Variants in PTGS1 observed in about 807,000 individuals in gnomAD.
The protein encoded by PTGS1 is prostaglandin G/H synthase 1.
Under a neutral mutation model 63.0 loss-of-function variants are expected in PTGS1, and 40 were observed. That is an observed-to-expected ratio of 0.63 (90% CI 0.49 to 0.83). PTGS1 has a LOEUF of 0.83. Among genes scored for constraint, PTGS1 ranks in the 40% least tolerant of loss-of-function variants. The pLI, the probability that PTGS1 is intolerant of heterozygous loss-of-function variation, is 0.00. For missense variants in PTGS1, 709 were observed against 786.5 expected (o/e 0.90, Z 1.18); for synonymous variants, 298 against 301.9 (o/e 0.99, Z 0.13).
In PTGS1 at chr9:122,381,862, G is replaced by A. The variant is rs969803419; in HGVS notation, c.762+115G>A. ...TCCTGAGAGGGCCAACCACGGGAGTGGGAAGCTTGTGCCAGGAGCGACAGT... is the reference window on the plus strand; with the variant it reads ...TCCTGAGAGGGCCAACCACGGGAGTAGGAAGCTTGTGCCAGGAGCGACAGT... On this transcript the variant is annotated intron_variant, in intron 7 of 10. Transcript: ENST00000362012. The A allele has an allele frequency of 6.2e-6, 7 of 1,122,710 alleles. No homozygotes were observed. The African/African-American group carries it at 1.1e-4, about 17-fold the overall frequency. The allele number at this position is 1,122,710 out of a possible 1,614,324, so 69.5% of individuals were successfully genotyped here.
In PTGS1 at chr9:122,378,803, C is replaced by T. The variant is rs112033264; in HGVS notation, c.381C>T (p.Pro127=). 11 of 1,614,126 alleles carry T rather than the reference C, an allele frequency of 6.8e-6. No homozygotes were observed. Among genetic ancestry groups the T allele is most frequent in the Non-Finnish European group, 8.5e-6 (10 of 1,180,046 alleles). ...GCTCCAACCTTATCCCCAGTCCCCC[C>T]ACCTACAACTCAGCACATGACTACA... The part of the protein sequence containing the change: ...TVRSNLIPSP[P]TYNSAHDYIS... Residue 127 remains proline, a synonymous_variant, in exon 5 of 11, where the codon CCC becomes CCT. Coordinates refer to ENST00000362012, the MANE Select transcript of PTGS1 (RefSeq NM_000962.4).
intron 3 of PTGS1, 127 bp from the exon 4 acceptor site, chr9:122,378,306 T>C (rs1837300945): frequency 6.7e-6 from 9 of 1,336,774 alleles, no homozygotes; most frequent in Middle Eastern, 3.7e-4. Context: ...GTTCCATCCT[T>C]ACCCACTTCC....
chr9:122,377,479 C>T (rs904440248), intron 2 of PTGS1, among the ~76,000 whole-genome samples: 1 of 151,438 alleles, frequency 6.6e-6, no homozygotes, highest in African/African-American at 2.4e-5. Flanking sequence ...CCCCCCCACC[C>T]CCCGCCCCGG....
At chr9:122,374,572 G>C in intron 2 of PTGS1, among the ~76,000 whole-genome samples, 1 of 152,122 alleles carries the variant, frequency 6.6e-6, no homozygotes, top group South Asian at 2.1e-4. Context: ...GATGAACAGG[G>C]GTGTCCTCCA....
At chr9:122,392,115 G>T in intron 10 of PTGS1, 74 bp from the exon 11 acceptor site, 1 of 1,352,228 alleles carries the variant, frequency 7.4e-7, no homozygotes. Flanking sequence ...GGTGGACCTG[G>T]AAGGGTCCCG....
Position 122,392,278 on chromosome 9 carries a change from C to T in PTGS1, c.1534C>T (p.His512Tyr). ...FYPGLLLEKC[H>Y]PNSIFGESMI... ...CCCTGGACTGCTTCTTGAAAAGTGC[C>T]ATCCAAACTCTATCTTTGGGGAGAG... is the stretch of plus-strand genomic sequence containing the variant. Residue 512 changes from histidine to tyrosine, a missense_variant, in exon 11 of 11, where the codon CAT (histidine) becomes TAT (tyrosine). Transcript: ENST00000362012. 1 of 1,613,718 alleles carries T rather than the reference C, an allele frequency of 6.2e-7. No individual in the cohort carries two copies. The highest frequency in any genetic ancestry group is 8.5e-7 in the Non-Finnish European group (1 of 1,179,684).
At chr9:122,377,830 C>A in intron 2 of PTGS1, 69 bp from the exon 3 acceptor site, 1 of 1,345,588 alleles carries the variant, frequency 7.4e-7, no homozygotes, top group Non-Finnish European at 1.1e-6. Flanking sequence ...CTCATTCCCC[C>A]ATCAGGGGCT....
At chr9:122,372,666 C>T (rs1021947221) in intron 2 of PTGS1, 2 of 152,246 alleles carry the variant, frequency 1.3e-5, no homozygotes, top group African/African-American at 4.8e-5. Context: ...TCCTCTGAGG[C>T]CCCATCTGGC....
chr9:122,375,129 C>T (rs1837042632), intron 2 of PTGS1, among the ~76,000 whole-genome samples: 1 of 151,554 alleles, frequency 6.6e-6, no homozygotes, highest in Non-Finnish European at 1.5e-5. Flanking sequence ...GGGGCACCAG[C>T]GGCAGGCCCA....
At position 122,371,177 on chromosome 9, in the gene PTGS1, C is replaced by T. The variant is rs1254574480; in HGVS notation, c.8-9C>T. 1 of 1,608,958 alleles carries T rather than the reference C, an allele frequency of 6.2e-7. No homozygotes were observed. Among genetic ancestry groups the T allele is most frequent in the Non-Finnish European group, 8.5e-7 (1 of 1,179,944 alleles). ...GCCAGGCTCAGCCCCTCATCTCTCTCCTCTGCAGGGAGTCTCTTGCTCTGG... is the reference window on the plus strand; with the variant it reads ...GCCAGGCTCAGCCCCTCATCTCTCTTCTCTGCAGGGAGTCTCTTGCTCTGG... On this transcript the variant is annotated splice_polypyrimidine_tract_variant and intron_variant, in intron 1 of 10. Transcript: ENST00000362012.
intron 5 of PTGS1, among the ~76,000 whole-genome samples, chr9:122,379,756 G>A (rs941796812): frequency 4.2e-4 from 64 of 152,190 alleles, no homozygotes; most frequent in African/African-American, 1.4e-3. Flanking sequence ...AATTACGGTT[G>A]ACAGATCACT....
rs202049266 is a variant in PTGS1, at chr9:122,381,761, A to G, written c.762+14A>G. The stretch of plus-strand genomic sequence containing the variant: ...CTCAAGTACCAGGTAGTGCTGGGCC[A>G]GGGGGTAGGGCAGAGGGAGGGGTCT... On this transcript the variant is annotated intron_variant, in intron 7 of 10. Transcript: ENST00000362012. 3 of 1,184,432 alleles carry G rather than the reference A, an allele frequency of 2.5e-6. No individual in the cohort carries two copies. Among genetic ancestry groups the G allele is most frequent in the African/African-American group, 8.0e-5 (1 of 12,450 alleles). The allele number at this position is 1,184,432 out of a possible 1,614,324, so 73.4% of individuals were successfully genotyped here. A position where few individuals can be genotyped will look rare whatever the true frequency, so the allele number is the denominator to read the frequency against.
At chr9:122,387,292 A>G (rs558950546) in intron 9 of PTGS1, among the ~76,000 whole-genome samples, 3 of 152,066 alleles carry the variant, frequency 2.0e-5, no homozygotes, top group Admixed American at 6.6e-5. Context: ...AAGGCATGGA[A>G]GTCAGAGGAC....
intron 10 of PTGS1, 101 bp from the exon 11 acceptor site, chr9:122,392,088 T>C: frequency 9.8e-7 from 1 of 1,015,528 alleles, no homozygotes; most frequent in Non-Finnish European, 1.4e-6. Flanking sequence ...CTGGAGTCCC[T>C]ATTATCCCCA....
chr9:122,372,222 C>A lies in PTGS1; in HGVS notation c.94+950C>A, dbSNP rs142004322. Among the ~76,000 whole-genome samples, 140 of 152,234 alleles carry A rather than the reference C, an allele frequency of 9.2e-4. 1 individual carries two copies. Among genetic ancestry groups the A allele is most frequent in the Middle Eastern group, 3.4e-3 (1 of 294 alleles). On this transcript the variant is annotated intron_variant, in intron 2 of 10. Coordinates refer to ENST00000362012, the MANE Select transcript of PTGS1 (RefSeq NM_000962.4). ...GAGCAGAGGGAGTCCGCACTTTCTG[C>A]TGTGATGCTCTAAGGATCTGGTGCG... is the stretch of plus-strand genomic sequence containing the variant.
chr9:122,374,814 C>T (rs1837022483), intron 2 of PTGS1, among the ~76,000 whole-genome samples: 1 of 152,172 alleles, frequency 6.6e-6, no homozygotes, highest in African/African-American at 2.4e-5. Context: ...CCCTTTCCAT[C>T]CCTTCCCCAA....
intron 2 of PTGS1, chr9:122,371,613 G>T (rs1017625796): frequency 2.8e-6 from 4 of 1,431,166 alleles, no homozygotes; most frequent in Non-Finnish European, 3.6e-6. Flanking sequence ...TTTCCTATAG[G>T]GGCCTCTTTG....
chr9:122,370,879 T>C, upstream of PTGS1: 3 of 814,614 alleles, frequency 3.7e-6, no homozygotes, highest in Non-Finnish European at 3.8e-6. Flanking sequence ...AAAGCCGCTT[T>C]AGCGGCGAGC....
chr9:122,372,132 ATATAGTTTCCTC>A (rs1184193230), intron 2 of PTGS1, among the ~76,000 whole-genome samples: 1 of 152,074 alleles, frequency 6.6e-6, no homozygotes, highest in East Asian at 1.9e-4. Context: ...TCCCAGTTGG[ATATAGTTTCCTC>A]CACCACCTAG....
Sources: gnomAD v4.1 joint callset for allele counts (sites outside exome capture counted in the v4.1 genomes callset) on GRCh38, gnomAD v4.1.1 for gene constraint, MANE v1.5 for transcripts, NCBI Gene and HGNC (gene_info 2026-07-23, HGNC 2026-07-21) for gene names.